Variants in GPHN observed in about 807,000 individuals in gnomAD.
GPHN encodes gephyrin.
Under a neutral mutation model 95.5 loss-of-function variants are expected in GPHN, and 17 were observed. The ratio of observed to expected loss-of-function variants is 0.18; its 90% CI spans 0.12 to 0.27. GPHN has a LOEUF of 0.27. Among genes scored for constraint, GPHN ranks in the 10% least tolerant of loss-of-function variants. The probability of loss-of-function intolerance (pLI) is 1.00; values close to 1 mark genes in which losing one functional copy is unlikely to be tolerated. For missense variants in GPHN, 660 were observed against 978.1 expected (o/e 0.67, Z 4.34); for synonymous variants, 320 against 322.5 (o/e 0.99, Z 0.08).
At chr14:67,066,556 G>C (rs8003929) in intron 11 of GPHN, among the ~76,000 whole-genome samples, 49,427 of 152,030 alleles carry the variant, frequency 0.33, 12,737 homozygotes, top group African/African-American at 0.7. Context: ...CTATCACTTT[G>C]AAGTACAACA....
the GPHN span, among the ~76,000 whole-genome samples, chr14:67,232,871 T>G: frequency 6.6e-6 from 1 of 152,172 alleles, no homozygotes; most frequent in Non-Finnish European, 1.5e-5. Context: ...TTGCTTGAAG[T>G]GTTACCCAGA....
intron 2 of GPHN, among the ~76,000 whole-genome samples, chr14:66,746,972 G>A: frequency 6.6e-6 from 1 of 152,128 alleles, no homozygotes; most frequent in East Asian, 1.9e-4. Flanking sequence ...AGGAGAGGGG[G>A]AAACAAAATA....
chr14:66,619,144 G>A (rs893707258), intron 1 of GPHN, among the ~76,000 whole-genome samples: 1 of 152,000 alleles, frequency 6.6e-6, no homozygotes, highest in Non-Finnish European at 1.5e-5. Flanking sequence ...CTTGATCATA[G>A]ACATTTGGTT....
chr14:66,508,952 G>C (rs530217907), intron 1 of GPHN: 8 of 344,232 alleles, frequency 2.3e-5, no homozygotes, highest in Non-Finnish European at 4.5e-5. Flanking sequence ...TGCCGCTCTC[G>C]GCTGGCCTGG....
Position 67,181,654 on chromosome 14 carries a change from C to A in GPHN, c.*717C>A. On this transcript the variant is annotated 3_prime_UTR_variant, in exon 23 of 23. Transcript: ENST00000478722. ...CAGAACAAAAAAATAAAATCAAAGA[C>A]TGATCTTGTACAGATATTAGTGTTA... 1 of 310,278 alleles carries A rather than the reference C, an allele frequency of 3.2e-6. No homozygotes were observed. 19.2% of individuals were successfully genotyped at this position (310,278 alleles called of 1,614,324 possible).
At chr14:67,225,962 T>TGTGTGTGCGCGC in the GPHN span, among the ~76,000 whole-genome samples, 7 of 113,488 alleles carry the variant, frequency 6.2e-5, no homozygotes, top group African/African-American at 3.6e-4. Flanking sequence ...TGTGTGTGTG[T>TGTGTGTGCGCGC]GCGCGCGCGC....
At chr14:66,820,381 G>A (rs944750621) in intron 3 of GPHN, among the ~76,000 whole-genome samples, 5 of 152,116 alleles carry the variant, frequency 3.3e-5, no homozygotes, top group African/African-American at 4.8e-5. Flanking sequence ...TATAGTCTTT[G>A]TTGGAATACT....
chr14:67,573,182 G>A, the GPHN span: 20 of 744,640 alleles, frequency 2.7e-5, no homozygotes, highest in Middle Eastern at 2.3e-4. The surrounding 1 kb of genome is among the most constrained non-coding windows in gnomAD (Gnocchi z 4.8). Flanking sequence ...ATTGATGACC[G>A]AGTAGTGAGG....
At chr14:67,090,051 A>G (rs1453678382) in intron 12 of GPHN, among the ~76,000 whole-genome samples, 1 of 152,118 alleles carries the variant, frequency 6.6e-6, no homozygotes, top group Non-Finnish European at 1.5e-5. Flanking sequence ...GAGACTTAAA[A>G]TCTACTCTCT....
At chr14:67,292,174 AG>A in the GPHN span, among the ~76,000 whole-genome samples, 1 of 152,212 alleles carries the variant, frequency 6.6e-6, no homozygotes, top group East Asian at 1.9e-4. Flanking sequence ...AAAAGGAAAT[AG>A]GATGTTAAGA....
chr14:66,737,378 A>G (rs903152089), intron 2 of GPHN, among the ~76,000 whole-genome samples: 16 of 152,160 alleles, frequency 1.1e-4, no homozygotes, highest in Admixed American at 2.6e-4. Flanking sequence ...GTGTGGATTC[A>G]GGCCATAACC....
intron 2 of GPHN, among the ~76,000 whole-genome samples, chr14:66,685,176 T>C (rs1274840557): frequency 6.6e-6 from 1 of 152,210 alleles, no homozygotes; most frequent in South Asian, 2.1e-4. Context: ...TGGTTCCAAG[T>C]CTTTGCTATT....
the GPHN span, among the ~76,000 whole-genome samples, chr14:67,643,203 C>G: frequency 6.6e-6 from 1 of 152,144 alleles, no homozygotes; most frequent in South Asian, 2.1e-4. Context: ...TTATTGAGCA[C>G]TGTTCTGATA....
intron 18 of GPHN, among the ~76,000 whole-genome samples, chr14:67,145,136 C>T (rs896962471): frequency 6.6e-6 from 1 of 152,218 alleles, no homozygotes; most frequent in Non-Finnish European, 1.5e-5. Context: ...CAAGAGCAAA[C>T]CATGAAGTCA....
the GPHN span, chr14:67,585,571 G>A: frequency 4.4e-6 from 7 of 1,576,386 alleles, no homozygotes; most frequent in African/African-American, 6.8e-5. Context: ...TCCCCAGCCT[G>A]CCCAGCTGTC....
chr14:67,204,465 A>G, the GPHN span: 13 of 1,457,170 alleles, frequency 8.9e-6, no homozygotes, highest in African/African-American at 4.3e-5. Context: ...AAATATATAT[A>G]TATATAAGAA....
intron 8 of GPHN, among the ~76,000 whole-genome samples, chr14:66,931,171 CA>C (rs2066770360): frequency 6.6e-6 from 1 of 152,060 alleles, no homozygotes; most frequent in African/African-American, 2.4e-5. Flanking sequence ...TAAAATTTGC[CA>C]TTCTCTCCCA....
At chr14:66,514,380 T>C (rs1310151265) in intron 1 of GPHN, among the ~76,000 whole-genome samples, 1 of 152,046 alleles carries the variant, frequency 6.6e-6, no homozygotes, top group Non-Finnish European at 1.5e-5. Context: ...CTGTAAGAAC[T>C]ATGTTCTCAT....
At chr14:67,460,210 G>T in the GPHN span, among the ~76,000 whole-genome samples, 36 of 152,232 alleles carry the variant, frequency 2.4e-4, no homozygotes, top group South Asian at 7.5e-3. Context: ...TTATAACAGG[G>T]TCATGTCTCT....
Sources: gnomAD v4.1 joint callset for allele counts (sites outside exome capture counted in the v4.1 genomes callset) on GRCh38, gnomAD v4.1.1 for gene constraint, Gnocchi (gnomAD v3.1) non-coding constraint, MANE v1.5 for transcripts, NCBI Gene and HGNC (gene_info 2026-07-23, HGNC 2026-07-21) for gene names.